The following LAMA4 variants were observed in gnomAD, a reference collection of about 807,000 sequenced individuals.
The protein encoded by LAMA4 is laminin subunit alpha-4.
In LAMA4, 127 loss-of-function variants were observed where a neutral mutation model predicts 207.1. The observed-to-expected ratio is 0.61, with a 90% confidence interval of 0.53 to 0.71. The LOEUF (loss-of-function observed/expected upper bound fraction) is 0.71. Among genes scored for constraint, LAMA4 ranks in the 30% least tolerant of loss-of-function variants. LAMA4 has a pLI of 0.00. For missense variants in LAMA4, 2,093 were observed against 2,246.5 expected (o/e 0.93, Z 1.38); for synonymous variants, 761 against 816.0 (o/e 0.93, Z 1.15).
chr6:112,176,143 C>G (rs563586730), intron 10 of LAMA4, among the ~76,000 whole-genome samples: 1 of 152,294 alleles, frequency 6.6e-6, no homozygotes, highest in Admixed American at 6.5e-5. Flanking sequence ...CGTGACTACT[C>G]TAGGTCATTT....
chr6:112,154,623 A>G, intron 16 of LAMA4: 1 of 568,628 alleles, frequency 1.8e-6, no homozygotes, highest in Non-Finnish European at 3.1e-6. Flanking sequence ...TATGTGAGAT[A>G]GCTATGTGTT....
chr6:112,120,149 T>A (rs587647737), intron 33 of LAMA4, 134 bp downstream of exon 33: 1 of 707,200 alleles, frequency 1.4e-6, no homozygotes, highest in African/African-American at 1.8e-5. Context: ...TACAATTTTT[T>A]GAAATTGAAT....
intron 2 of LAMA4, among the ~76,000 whole-genome samples, chr6:112,225,660 C>T (rs1554362190): frequency 6.6e-6 from 1 of 152,128 alleles, no homozygotes; most frequent in Non-Finnish European, 1.5e-5. Flanking sequence ...TAAACTGATA[C>T]CCCTACCTAT....
intron 2 of LAMA4, among the ~76,000 whole-genome samples, chr6:112,250,662 C>T (rs946066051): frequency 2.0e-5 from 3 of 152,196 alleles, no homozygotes; most frequent in Admixed American, 6.5e-5. Context: ...TCCACCTTGC[C>T]CTGTCAGAAG....
Position 112,120,325 on chromosome 6 carries a change from C to A in LAMA4, c.4623G>T (p.Lys1541Asn), listed in dbSNP as rs375760473. Residue 1541 changes from lysine to asparagine, a missense_variant, in exon 33 of 39, where the codon AAG becomes AAT. By Grantham distance (94) the Lys-to-Asn change is moderately conservative. Around this residue, in one of 3 missense-constraint regions of LAMA4, gnomAD observed 383 missense variants for 437.8 expected, o/e 0.87. Coordinates refer to ENST00000230538, the MANE Select transcript of LAMA4 (RefSeq NM_001105206.3). ...YMFNVGHKKLKIRSQEKYNDG... is the reference protein window; with the variant it reads ...YMFNVGHKKLNIRSQEKYNDG... ...CATTGTATTTCTCCTGGCTTCTAAT[C>A]TTCAGTTTTTTGTGACCAACATTAA... is the stretch of plus-strand genomic sequence containing the variant. 3.1e-6 allele frequency: 5 copies of A among 1,613,858 alleles called. No homozygotes were observed. The African/African-American group carries it at 5.3e-5, about 17-fold the overall frequency.
chr6:112,239,659 C>T (rs775661285), intron 2 of LAMA4, among the ~76,000 whole-genome samples: 21 of 152,314 alleles, frequency 1.4e-4, no homozygotes, highest in Non-Finnish European at 2.2e-4. Context: ...TTGAATGGTA[C>T]CTTTCAGCAC....
intron 2 of LAMA4, among the ~76,000 whole-genome samples, chr6:112,233,159 G>A (rs1466679546): frequency 6.6e-6 from 1 of 152,192 alleles, no homozygotes; most frequent in African/African-American, 2.4e-5. Context: ...TTGATGTCAC[G>A]CCAAATGCTA....
chr6:112,148,476 T>C (rs1485040922), intron 17 of LAMA4, 140 bp from the exon 18 acceptor site: 3 of 788,680 alleles, frequency 3.8e-6, no homozygotes, highest in East Asian at 2.7e-5. Context: ...TGGATAACCA[T>C]GTGGCTCACC....
At chr6:112,111,926 G>A (rs1777721924) in intron 38 of LAMA4, among the ~76,000 whole-genome samples, 1 of 152,194 alleles carries the variant, frequency 6.6e-6, no homozygotes. Flanking sequence ...AGAAATATCT[G>A]TTTGAAAGAT....
In LAMA4 at chr6:112,148,260, C is replaced by T. The variant is rs112305543; in HGVS notation, c.2250G>A (p.Gln750=). ...EANRTTMEVQ[Q]ATAPMANNLT... ...GATTGTTGGCCATGGGGGCAGTGGC[C>T]TGCTGCACCTCCATCGTCGTCCTGT... The change falls in exon 18 of 39, where the codon CAG becomes CAA. Residue 750 remains glutamine (Q), a synonymous_variant. Coordinates refer to ENST00000230538, the MANE Select transcript of LAMA4 (RefSeq NM_001105206.3). 2.8e-4 allele frequency: 452 copies of T among 1,614,160 alleles called. 1 individual carries two copies. The African/African-American group carries it at 5.6e-3, about 20-fold the overall frequency.
At chr6:112,181,802 A>G (rs1256900434) in intron 9 of LAMA4, among the ~76,000 whole-genome samples, 3 of 152,134 alleles carry the variant, frequency 2.0e-5, no homozygotes, top group African/African-American at 7.2e-5. Context: ...AGCACCTAGC[A>G]CACTAACTGT....
intron 3 of LAMA4, chr6:112,213,983 T>C (rs1336951783): frequency 6.8e-6 from 5 of 739,892 alleles, no homozygotes; most frequent in Non-Finnish European, 1.0e-5. Flanking sequence ...AGTGTTCATG[T>C]TGGAGCCCTG....
chr6:112,204,372 T>A (rs1554353459), intron 4 of LAMA4, among the ~76,000 whole-genome samples: 1 of 151,794 alleles, frequency 6.6e-6, no homozygotes, highest in African/African-American at 2.4e-5. Flanking sequence ...GTAATTTAGA[T>A]AAGAAAGTCT....
rs1782605462 is a variant in LAMA4, at chr6:112,185,120, G to C, written c.1077+117C>G. ...TCTTGATTTATTTTAAGGCACATGG[G>C]TCACTGCATTTTTTCTGGGCTGTGT... On this transcript the variant is annotated intron_variant, in intron 9 of 38. Coordinates refer to ENST00000230538, the MANE Select transcript of LAMA4 (RefSeq NM_001105206.3). The C allele has an allele frequency of 5.2e-6, 4 of 771,462 alleles. No individual in the cohort carries two copies. The South Asian group carries it at 5.5e-5, about 11-fold the overall frequency. 47.8% of individuals were successfully genotyped at this position (771,462 alleles called of 1,614,324 possible). A position where few individuals can be genotyped will look rare whatever the true frequency, so the allele number is the denominator to read the frequency against.
At chr6:112,141,923 C>T (rs1779721874) in intron 20 of LAMA4, among the ~76,000 whole-genome samples, 196 bp downstream of exon 20, 1 of 152,088 alleles carries the variant, frequency 6.6e-6, no homozygotes, top group Non-Finnish European at 1.5e-5. Context: ...GGAAACAATC[C>T]CCACAATATC....
intron 2 of LAMA4, chr6:112,253,666 C>A: frequency 7.1e-7 from 1 of 1,401,952 alleles, no homozygotes. Context: ...CACCGATGTG[C>A]TGCTGCAGTC....
chr6:112,151,840 T>C (rs782604987), intron 16 of LAMA4, among the ~76,000 whole-genome samples: 4 of 152,118 alleles, frequency 2.6e-5, no homozygotes, highest in Non-Finnish European at 4.4e-5. Flanking sequence ...CCGAAAGTCT[T>C]TTTTAAAAGT....
intron 2 of LAMA4, among the ~76,000 whole-genome samples, chr6:112,243,713 A>G (rs1554188151): frequency 2.0e-5 from 3 of 152,204 alleles, no homozygotes; most frequent in South Asian, 4.1e-4. Flanking sequence ...TTAGAAGTAG[A>G]TATCTTTTAC....
intron 2 of LAMA4, chr6:112,236,814 G>A (rs1243022400): frequency 6.6e-6 from 1 of 152,062 alleles, no homozygotes; most frequent in Non-Finnish European, 1.5e-5. Context: ...TTTCCCCTTT[G>A]GAGATCACTG....
Sources: gnomAD v4.1 joint callset for allele counts (sites outside exome capture counted in the v4.1 genomes callset) on GRCh38, gnomAD v4.1.1 for gene constraint, gnomAD v4.1.1 regional missense constraint, MANE v1.5 for transcripts, NCBI Gene and HGNC (gene_info 2026-07-23, HGNC 2026-07-21) for gene names.